Variants in OCRL observed in about 807,000 individuals in gnomAD.
The protein encoded by OCRL is OCRL inositol polyphosphate-5-phosphatase, also known as inositol polyphosphate 5-phosphatase OCRL.
Under a neutral mutation model 78.9 loss-of-function variants are expected in OCRL, and 8 were observed. The observed-to-expected ratio is 0.10, with a 90% CI of 0.06 to 0.18. The LOEUF (loss-of-function observed/expected upper bound fraction) is 0.18. Ranked by LOEUF, OCRL falls within the 10% of genes least tolerant of loss-of-function variation. The pLI, the probability that OCRL is intolerant of heterozygous loss-of-function variation, is 1.00. For synonymous variants in OCRL, 240 were observed against 235.4 expected (o/e 1.02, Z -0.18); for missense variants, 454 against 696.7 (o/e 0.65, Z 3.92).
chrX:129,542,345 C>T (rs1935818298), intron 2 of OCRL, among the ~76,000 whole-genome samples: 1 of 108,473 alleles, frequency 9.2e-6, no homozygotes, highest in South Asian at 3.8e-4. Context: ...CACTATATAA[C>T]AACTATATAA....
intron 4 of OCRL, among the ~76,000 whole-genome samples, chrX:129,552,395 A>G (rs943573039): frequency 1.8e-5 from 2 of 111,822 alleles, no homozygotes; most frequent in Admixed American, 1.9e-4. Context: ...AAGGGTCATT[A>G]ATTTAGTTTT....
rs760569075 is a variant in OCRL at position 129,576,534 on chromosome X, T to G, written c.2097T>G (p.Val699=). The G allele has an allele frequency of 2.5e-6, 3 of 1,201,443 alleles. No individual in the cohort carries two copies. In the Admixed American group the frequency reaches 6.5e-5, roughly 26 times the overall value. The change falls in exon 18 of 24, where the codon GTT becomes GTG. Residue 699 remains valine, a synonymous_variant. Coordinates refer to ENST00000371113, the MANE Select transcript of OCRL (RefSeq NM_000276.4). ...RMKRPIREVP[V]TKLIDLEEDS... is the part of the protein sequence containing the mutation. ...AAAGACCAATCCGAGAAGTTCCTGTTACCAAACTCATAGACTTGGTAAGAA... is the reference window on the plus strand; with the variant it reads ...AAAGACCAATCCGAGAAGTTCCTGTGACCAAACTCATAGACTTGGTAAGAA...
At chrX:129,559,841 C>T (rs1176526249) in intron 8 of OCRL, among the ~76,000 whole-genome samples, 1 of 111,072 alleles carries the variant, frequency 9.0e-6, no homozygotes, top group Non-Finnish European at 1.9e-5. Context: ...TGTGAGGTAC[C>T]ATGTGGCATG....
At chrX:129,547,524 C>CAAAAA (rs1177506776) in intron 3 of OCRL, among the ~76,000 whole-genome samples, 1 of 34,975 alleles carries the variant, frequency 2.9e-5, no homozygotes, top group Admixed American at 3.3e-4. Context: ...GACTCCGTCT[C>CAAAAA]AAAAAAAAAA....
chrX:129,560,696 T>C (rs752124303), intron 9 of OCRL, 45 bp downstream of exon 9: 3 of 880,978 alleles, frequency 3.4e-6, no homozygotes, highest in South Asian at 4.0e-5. Flanking sequence ...ATGTTTGGTG[T>C]TCATTTACAT....
At chrX:129,543,553 C>T (rs969770315) in intron 2 of OCRL, among the ~76,000 whole-genome samples, 16 of 113,191 alleles carry the variant, frequency 1.4e-4, no homozygotes, top group African/African-American at 4.5e-4. Flanking sequence ...AGGGGCCTGC[C>T]CCATATTCCT....
intron 14 of OCRL, among the ~76,000 whole-genome samples, chrX:129,567,982 C>T (rs1346584106): frequency 5.7e-5 from 6 of 105,925 alleles, no homozygotes; most frequent in South Asian, 4.4e-4. Context: ...GGCGCAATCT[C>T]GGCGCACTGC....
At chrX:129,580,864 C>CTATT (rs1375372216) in intron 18 of OCRL, among the ~76,000 whole-genome samples, 2 of 111,433 alleles carry the variant, frequency 1.8e-5, no homozygotes, top group African/African-American at 3.3e-5. Flanking sequence ...CAGTTTTCGG[C>CTATT]TATTTATTTA....
chrX:129,552,000 G>A (rs1342647876), intron 4 of OCRL, among the ~76,000 whole-genome samples: 1 of 111,672 alleles, frequency 9.0e-6, no homozygotes, highest in Admixed American at 9.5e-5. Context: ...ACAGGTCTTG[G>A]GCACCAAGGT....
intron 3 of OCRL, among the ~76,000 whole-genome samples, chrX:129,545,741 G>T (rs137870553): frequency 0.011 from 1,194 of 112,145 alleles, 19 homozygotes; most frequent in African/African-American, 0.036. Flanking sequence ...GCTTTATCTA[G>T]CAGAAGCATT....
intron 3 of OCRL, among the ~76,000 whole-genome samples, chrX:129,546,756 G>C (rs1324579511): frequency 8.9e-6 from 1 of 111,759 alleles, no homozygotes; most frequent in Admixed American, 9.5e-5. Context: ...CTTTTACCCT[G>C]TTTCTCTTAG....
rs1384543737 is a variant in OCRL, at chrX:129,592,105, AG to A, written c.*1836del. On this transcript the variant is annotated 3_prime_UTR_variant, in exon 24 of 24. Coordinates refer to ENST00000371113, the MANE Select transcript of OCRL (RefSeq NM_000276.4). The stretch of plus-strand genomic sequence containing the variant: ...CTTTCTACATCAGATCAAAACACTA[AG>A]TTGGTGTACTGCCTCGACCTTTTTT... 2.6e-5 allele frequency: 3 copies of A among 113,810 alleles called. No homozygotes were observed. Among genetic ancestry groups the A allele is most frequent in the African/African-American group, 9.8e-5 (3 of 30,709 alleles). 9.4% of individuals were successfully genotyped at this position (113,810 alleles called of 1,213,427 possible).
intron 14 of OCRL, among the ~76,000 whole-genome samples, 153 bp from the exon 15 acceptor site, chrX:129,569,111 G>A (rs1307289801): frequency 8.9e-6 from 1 of 112,122 alleles, no homozygotes; most frequent in Non-Finnish European, 1.9e-5. Flanking sequence ...TTGCAAAATA[G>A]TAGGGAGGAT....
intron 20 of OCRL, among the ~76,000 whole-genome samples, chrX:129,587,913 T>A (rs1395454965): frequency 9.0e-6 from 1 of 111,094 alleles, no homozygotes; most frequent in Non-Finnish European, 1.9e-5. Context: ...AACACCTGGT[T>A]TCCTGCTCTA....
At position 129,540,455 on chromosome X, in the gene OCRL, C is replaced by A; in HGVS notation, c.16C>A (p.Pro6Thr). The stretch of plus-strand genomic sequence containing the variant: ...GGCCGCCTGGATGGAGCCGCCGCTC[C>A]CGGTCGGAGCCCAGCCGCTTGCCGT... MEPPL[P>T]VGAQPLATVE... is the part of the protein sequence containing the mutation. Residue 6 changes from proline to threonine, a missense_variant, in exon 1 of 24, where the codon CCG becomes ACG. Physicochemically the swap from Pro to Thr is conservative, Grantham distance 38. This residue lies in a region of OCRL where 177 missense variants were observed against 179.6 expected (regional missense o/e 0.99). Coordinates refer to ENST00000371113, the MANE Select transcript of OCRL (RefSeq NM_000276.4). 1 of 1,155,425 alleles carries A rather than the reference C, an allele frequency of 8.7e-7. No individual in the cohort carries two copies.
At chrX:129,554,675 C>A (rs1936012684) in intron 4 of OCRL, among the ~76,000 whole-genome samples, 1 of 111,879 alleles carries the variant, frequency 8.9e-6, no homozygotes, top group Admixed American at 9.5e-5. Flanking sequence ...AGGGTTAGGC[C>A]AGGCCCGGTG....
rs756479812 is a variant in OCRL at position 129,560,340 on chromosome X, A to G, written c.723-210A>G. 1.2e-4 allele frequency among the ~76,000 whole-genome samples: 13 copies of G among 112,641 alleles called. No individual in the cohort carries two copies. In the South Asian group the frequency reaches 4.7e-3, roughly 41 times the overall value. On this transcript the variant is annotated intron_variant, in intron 8 of 23. Coordinates refer to ENST00000371113, the MANE Select transcript of OCRL (RefSeq NM_000276.4). ...AAATAAAGACTTGGTTTCCTTCTGTAGTTTTACTTAATGTAAAATTTAGAG... is the reference window on the plus strand; with the variant it reads ...AAATAAAGACTTGGTTTCCTTCTGTGGTTTTACTTAATGTAAAATTTAGAG...
At chrX:129,563,760 C>T (rs1005298019) in intron 12 of OCRL, among the ~76,000 whole-genome samples, 2 of 111,288 alleles carry the variant, frequency 1.8e-5, no homozygotes, top group African/African-American at 6.5e-5. Context: ...ATACCTAAAA[C>T]CATGAAAACC....
In OCRL at chrX:129,547,546, AAAAG is replaced by A. The variant is rs972923107; in HGVS notation, c.200-1013_200-1010del. On this transcript the variant is annotated intron_variant, in intron 3 of 23. Coordinates refer to ENST00000371113, the MANE Select transcript of OCRL (RefSeq NM_000276.4). Reference sequence around the variant, plus strand: ...TCTCAAAAAAAAAAAAAAAAAAAGAAAAAGAAAACCATCTGTAAACACTCAGGTT... The same window carrying A: ...TCTCAAAAAAAAAAAAAAAAAAAGAAAAAACCATCTGTAAACACTCAGGTT... Among the ~76,000 whole-genome samples the A allele has an allele frequency of 2.2e-4, 24 of 108,520 alleles. No homozygotes were observed. In the East Asian group the frequency reaches 4.3e-3, roughly 19 times the overall value. The allele number at this position is 108,520 out of a possible 115,157, so 94.2% of individuals were successfully genotyped here.
Sources: allele counts gnomAD v4.1 joint callset (sites outside exome capture counted in the v4.1 genomes callset), GRCh38; gene constraint gnomAD v4.1.1; regional missense constraint gnomAD v4.1.1; transcripts MANE v1.5; gene names NCBI Gene and HGNC (gene_info 2026-07-23, HGNC 2026-07-21).